CCDC171: variants seen among roughly 807,000 people sequenced by gnomAD.
The protein encoded by CCDC171 is coiled-coil domain containing 171, also known as coiled-coil domain-containing protein 171.
In CCDC171, 177 loss-of-function variants were observed where a neutral mutation model predicts 168.2. The observed-to-expected ratio is 1.05, with a 90% CI of 0.93 to 1.19. The LOEUF (loss-of-function observed/expected upper bound fraction) is 1.19, where lower values mean the gene tolerates loss of function less well. Ranked by LOEUF, CCDC171 falls within the 50% of genes most tolerant of loss-of-function variation. The pLI, the probability that CCDC171 is intolerant of heterozygous loss-of-function variation, is 0.00. For synonymous variants in CCDC171, 687 were observed against 540.8 expected (o/e 1.27, Z -3.75); for missense variants, 1,991 against 1,539.0 (o/e 1.29, Z -4.91).
At chr9:15,992,511 G>A (rs1187929312) in intron 3 of CCDC171, among the ~76,000 whole-genome samples, 1 of 152,150 alleles carries the variant, frequency 6.6e-6, no homozygotes, top group East Asian at 1.9e-4. Context: ...AAAACTGGAA[G>A]CATTCCCTTT....
Position 15,953,205 on chromosome 9 carries a change from A to C in CCDC171, c.3754-18404A>C, listed in dbSNP as rs560840173. ...CCTAATTTCCTTTGCTAGGCCTTCC[A>C]GTACTATGTTGAATGCAAGTGGTGA... is the stretch of plus-strand genomic sequence containing the variant. On this transcript the variant is annotated intron_variant, in intron 25 of 25. Transcript: ENST00000380701. Among the ~76,000 whole-genome samples, 149 of 152,264 alleles carry C rather than the reference A, an allele frequency of 9.8e-4. 1 individual carries two copies. The Middle Eastern group carries it at 0.01, about 10-fold the overall frequency.
chr9:16,040,562 C>G (rs1030426216), upstream of CCDC171, among the ~76,000 whole-genome samples: 9 of 152,176 alleles, frequency 5.9e-5, no homozygotes, highest in African/African-American at 2.2e-4. Context: ...GTGCAGGTCA[C>G]ACGCTGAGCT....
At chr9:16,089,410 T>C in the CCDC171 span, among the ~76,000 whole-genome samples, 1 of 152,106 alleles carries the variant, frequency 6.6e-6, no homozygotes, top group East Asian at 1.9e-4. Context: ...TTTTGGCTTT[T>C]GTTGCCATTG....
chr9:15,873,525 C>CA lies in CCDC171; in HGVS notation c.3469-1004dup, dbSNP rs1279968967. Among the ~76,000 whole-genome samples, 3 of 151,896 alleles carry CA rather than the reference C, an allele frequency of 2.0e-5. No individual in the cohort carries two copies. In the East Asian group the frequency reaches 5.8e-4, roughly 29 times the overall value. On this transcript the variant is annotated intron_variant, in intron 23 of 25. Coordinates refer to ENST00000380701, the MANE Select transcript of CCDC171 (RefSeq NM_173550.4). Reference sequence around the variant, plus strand: ...ATAATATTTATTAAGTATATGGTAACAAATAGATAAAATTTTAAAACCTAT... The same window carrying CA: ...ATAATATTTATTAAGTATATGGTAACAAAATAGATAAAATTTTAAAACCTAT...
intron 24 of CCDC171, among the ~76,000 whole-genome samples, chr9:15,883,775 A>G (rs1484315921): frequency 6.6e-6 from 1 of 152,248 alleles, no homozygotes; most frequent in Non-Finnish European, 1.5e-5. Context: ...ACTGAGATTA[A>G]GGAAAATCTG....
chr9:15,594,222 A>T (rs1330646328), intron 6 of CCDC171, 50 bp downstream of exon 6: 3 of 1,019,426 alleles, frequency 2.9e-6, no homozygotes, highest in Admixed American at 2.6e-5. Flanking sequence ...AATGCTTATG[A>T]TATTCAAAAT....
intron 23 of CCDC171, among the ~76,000 whole-genome samples, chr9:15,855,994 A>G (rs573934976): frequency 2.4e-4 from 37 of 152,022 alleles, no homozygotes; most frequent in African/African-American, 8.0e-4. Flanking sequence ...TTCCCTACGT[A>G]GTTACCTTTG....
At chr9:15,642,289 GTA>G (rs1308404429) in intron 7 of CCDC171, among the ~76,000 whole-genome samples, 1 of 139,086 alleles carries the variant, frequency 7.2e-6, no homozygotes, top group Non-Finnish European at 1.6e-5. Context: ...ATGTGTGTGT[GTA>G]TATATATACA....
rs1417977 is a variant in CCDC171 at position 15,802,286 on chromosome 9, A to G, written c.3267+17592A>G. ...CTTTTAAGTTTAGGGGTACATGTGC[A>G]GGATGTGCAGATTTGTTACCTACGT... On this transcript the variant is annotated intron_variant, in intron 21 of 25. Transcript: ENST00000380701. Among the ~76,000 whole-genome samples, 75 of 152,130 alleles carry G rather than the reference A, an allele frequency of 4.9e-4. No homozygotes were observed. The East Asian group carries it at 0.014, about 27-fold the overall frequency.
chr9:15,912,809 T>C (rs1318155202), intron 24 of CCDC171, among the ~76,000 whole-genome samples: 1 of 152,224 alleles, frequency 6.6e-6, no homozygotes, highest in Non-Finnish European at 1.5e-5. Flanking sequence ...GTGGTTTTTG[T>C]CATTGGTTTT....
the CCDC171 span, among the ~76,000 whole-genome samples, chr9:16,087,443 T>G: frequency 6.6e-6 from 1 of 152,196 alleles, no homozygotes; most frequent in Non-Finnish European, 1.5e-5. Flanking sequence ...TTTAGGATAA[T>G]TAGCTCTTCT....
At chr9:16,035,034 G>A (rs1227017989) in intron 6 of CCDC171, among the ~76,000 whole-genome samples, 5 of 152,132 alleles carry the variant, frequency 3.3e-5, no homozygotes, top group African/African-American at 9.7e-5. Context: ...GACCTTTGAC[G>A]TCTCCGTTAG....
intron 24 of CCDC171, among the ~76,000 whole-genome samples, chr9:15,877,209 G>A (rs2131279732): frequency 8.1e-6 from 1 of 123,022 alleles, no homozygotes; most frequent in Non-Finnish European, 1.8e-5. Flanking sequence ...CAAACAAAAA[G>A]TAATGCTACT....
intron 23 of CCDC171, among the ~76,000 whole-genome samples, chr9:15,864,866 T>C (rs759586608): frequency 3.9e-5 from 6 of 152,074 alleles, no homozygotes; most frequent in Non-Finnish European, 8.8e-5. Flanking sequence ...TTTGTAGTCA[T>C]GTTTGTTGTT....
At chr9:15,625,459 T>G (rs1258638758) in intron 7 of CCDC171, among the ~76,000 whole-genome samples, 5 of 152,206 alleles carry the variant, frequency 3.3e-5, no homozygotes, top group Non-Finnish European at 2.9e-5. Context: ...GGTCTAACAT[T>G]TAAGTCTTTA....
At chr9:15,779,830 A>C (rs539517249) in intron 20 of CCDC171, among the ~76,000 whole-genome samples, 4 of 152,266 alleles carry the variant, frequency 2.6e-5, no homozygotes, top group Non-Finnish European at 5.9e-5. Context: ...AAATACCATT[A>C]GATCAAGAAC....
chr9:15,795,960 C>G (rs945708257), intron 21 of CCDC171, among the ~76,000 whole-genome samples: 16 of 152,174 alleles, frequency 1.1e-4, no homozygotes, highest in African/African-American at 3.9e-4. Context: ...AGGGATGTTT[C>G]TGCATCTCAA....
At chr9:15,662,602 G>C (rs910248638) in intron 8 of CCDC171, among the ~76,000 whole-genome samples, 5 of 152,100 alleles carry the variant, frequency 3.3e-5, no homozygotes, top group African/African-American at 1.2e-4. Context: ...ATCTAAGACT[G>C]TGTAGTTTCA....
chr9:15,799,135 CATATATATATAT>C lies in CCDC171; in HGVS notation c.3267+14461_3267+14472del, dbSNP rs57651824. 8.3e-4 allele frequency among the ~76,000 whole-genome samples: 90 copies of C among 109,018 alleles called. 1 individual carries two copies. Among genetic ancestry groups the C allele is most frequent in the South Asian group, 2.6e-3 (8 of 3,108 alleles). 71.5% of individuals were successfully genotyped at this position (109,018 alleles called of 152,430 possible). ...GAAAACAATTGTCTTTCATCATTGC[CATATATATATAT>C]ATATATATATATATATATACCATTT... is the stretch of plus-strand genomic sequence containing the variant. On this transcript the variant is annotated intron_variant, in intron 21 of 25. Coordinates refer to ENST00000380701, the MANE Select transcript of CCDC171 (RefSeq NM_173550.4).
Sources: allele counts gnomAD v4.1 joint callset (sites outside exome capture counted in the v4.1 genomes callset), GRCh38; gene constraint gnomAD v4.1.1; transcripts MANE v1.5; gene names NCBI Gene and HGNC (gene_info 2026-07-23, HGNC 2026-07-21).